The following SYNDIG1 variants were observed in gnomAD, a reference collection of about 807,000 sequenced individuals.
SYNDIG1 encodes the protein synapse differentiation-inducing gene protein 1.
A neutral mutation model predicts 19.4 loss-of-function variants in SYNDIG1; 9 were observed. That is an observed-to-expected ratio of 0.46 (90% CI 0.28 to 0.81). The LOEUF (loss-of-function observed/expected upper bound fraction) is 0.81. Ranked by LOEUF, SYNDIG1 falls within the 30% of genes least tolerant of loss-of-function variation. The pLI is 0.12. For synonymous variants in SYNDIG1, 141 were observed against 145.9 expected (o/e 0.97, Z 0.24); for missense variants, 311 against 343.3 (o/e 0.91, Z 0.74).
chr20:24,492,888 T>G (rs1568581514), intron 1 of SYNDIG1, among the ~76,000 whole-genome samples: 1 of 152,260 alleles, frequency 6.6e-6, no homozygotes, highest in African/African-American at 2.4e-5. Flanking sequence ...GTGGCAGGAA[T>G]TCAAGGTGCT....
chr20:24,548,869 G>T (rs1600590524), intron 2 of SYNDIG1, among the ~76,000 whole-genome samples: 3 of 152,100 alleles, frequency 2.0e-5, no homozygotes, highest in South Asian at 2.1e-4. Context: ...TCAGGTATAG[G>T]AAGTTCCCTT....
intron 1 of SYNDIG1, among the ~76,000 whole-genome samples, chr20:24,505,767 G>A (rs575000725): frequency 2.6e-5 from 4 of 152,296 alleles, no homozygotes; most frequent in South Asian, 2.1e-4. Flanking sequence ...TCAGAAATCC[G>A]AATATAGAAA....
intron 2 of SYNDIG1, among the ~76,000 whole-genome samples, chr20:24,569,026 AC>A (rs2058098244): frequency 6.6e-6 from 1 of 152,144 alleles, no homozygotes; most frequent in Admixed American, 6.5e-5. Context: ...AAATTGTCCC[AC>A]CCTCTGTGAG....
intron 1 of SYNDIG1, among the ~76,000 whole-genome samples, chr20:24,494,497 G>A (rs906386226): frequency 3.9e-5 from 6 of 152,210 alleles, no homozygotes; most frequent in Admixed American, 6.5e-5. Flanking sequence ...GCAGTGGTGG[G>A]TGAATGGACA....
At chr20:24,661,400 GGTAGGAAAGAAGGAGGAGTTAGGAA>G (rs2147402099) in intron 3 of SYNDIG1, among the ~76,000 whole-genome samples, 4 of 142,178 alleles carry the variant, frequency 2.8e-5, no homozygotes, top group South Asian at 2.4e-4. Context: ...AGAGGGAGGA[GGTAGGAAAGAAGGAGGAGTTAGGAA>G]GGAGGGAGGA....
intron 3 of SYNDIG1, among the ~76,000 whole-genome samples, chr20:24,630,155 A>G (rs2059218126): frequency 1.3e-5 from 2 of 152,232 alleles, no homozygotes; most frequent in African/African-American, 2.4e-5. Flanking sequence ...CAGATATGCA[A>G]AAATCAAGAA....
At chr20:24,498,737 AG>A (rs1027022105) in intron 1 of SYNDIG1, among the ~76,000 whole-genome samples, 4 of 152,200 alleles carry the variant, frequency 2.6e-5, no homozygotes, top group African/African-American at 9.7e-5. Flanking sequence ...CATGTCACAG[AG>A]GTCAGGATTT....
intron 3 of SYNDIG1, among the ~76,000 whole-genome samples, chr20:24,650,103 C>T (rs1022241715): frequency 6.6e-6 from 1 of 152,174 alleles, no homozygotes; most frequent in Non-Finnish European, 1.5e-5. Flanking sequence ...AGCATGCAGG[C>T]AGCAGGGCAC....
intron 3 of SYNDIG1, among the ~76,000 whole-genome samples, chr20:24,609,843 C>T (rs1359786588): frequency 6.6e-6 from 1 of 152,136 alleles, no homozygotes; most frequent in Non-Finnish European, 1.5e-5. Flanking sequence ...CAAGAGCCCA[C>T]TCCACCCAAC....
chr20:24,476,310 A>G lies in SYNDIG1; in HGVS notation c.-79+6557A>G, dbSNP rs148760969. On this transcript the variant is annotated intron_variant, in intron 1 of 3. Transcript: ENST00000376862. ...TGAAAGCTAACTTTGAGTCAAGGGG[A>G]ATAATCTGTTTTGTTATTTCTAAGT... 2.0e-5 allele frequency among the ~76,000 whole-genome samples: 3 copies of G among 152,256 alleles called. 1 individual carries two copies. The East Asian group carries it at 5.8e-4, about 30-fold the overall frequency.
chr20:24,599,501 G>A (rs1210861238), intron 3 of SYNDIG1, among the ~76,000 whole-genome samples: 1 of 151,924 alleles, frequency 6.6e-6, no homozygotes, highest in Non-Finnish European at 1.5e-5. Context: ...CAAAGAAAAA[G>A]GAATAATTAT....
chr20:24,639,635 G>T (rs1019055292), intron 3 of SYNDIG1, among the ~76,000 whole-genome samples: 7 of 152,286 alleles, frequency 4.6e-5, no homozygotes, highest in Non-Finnish European at 1.0e-4. Context: ...TATCAATGTG[G>T]TTTATTTGTT....
chr20:24,504,201 G>A (rs1404174286), intron 1 of SYNDIG1, among the ~76,000 whole-genome samples: 1 of 152,056 alleles, frequency 6.6e-6, no homozygotes, highest in Non-Finnish European at 1.5e-5. Flanking sequence ...CTCGTGATCC[G>A]CCCGCCTCGG....
chr20:24,656,444 C>T (rs2059526791), intron 3 of SYNDIG1, among the ~76,000 whole-genome samples: 1 of 152,206 alleles, frequency 6.6e-6, no homozygotes, highest in Admixed American at 6.5e-5. Context: ...CCCCGTGGTG[C>T]CCTGAGGAAA....
intron 1 of SYNDIG1, among the ~76,000 whole-genome samples, chr20:24,536,023 G>A (rs2057355044): frequency 6.6e-6 from 1 of 152,194 alleles, no homozygotes; most frequent in Admixed American, 6.5e-5. Flanking sequence ...ACATCACTCA[G>A]TTATTCATCA....
intron 3 of SYNDIG1, among the ~76,000 whole-genome samples, chr20:24,653,830 A>T (rs2059497398): frequency 6.6e-6 from 1 of 152,200 alleles, no homozygotes; most frequent in Non-Finnish European, 1.5e-5. Flanking sequence ...TCTTGCTGCG[A>T]CTTCACGGGG....
chr20:24,503,749 T>C (rs529803032), intron 1 of SYNDIG1, among the ~76,000 whole-genome samples: 2 of 152,278 alleles, frequency 1.3e-5, no homozygotes, highest in South Asian at 4.1e-4. Flanking sequence ...TCTGCAGAAC[T>C]CACTCATTGA....
intron 3 of SYNDIG1, among the ~76,000 whole-genome samples, chr20:24,610,460 G>A (rs912629304): frequency 5.9e-5 from 9 of 152,202 alleles, no homozygotes; most frequent in South Asian, 2.1e-4. Context: ...ACGGGGGGGC[G>A]AGTGCTAATC....
intron 3 of SYNDIG1, among the ~76,000 whole-genome samples, chr20:24,604,000 C>A (rs1363536524): frequency 1.3e-5 from 2 of 152,246 alleles, no homozygotes; most frequent in African/African-American, 2.4e-5. Flanking sequence ...CCCTGGGTTT[C>A]TCCGAAGCTG....
Sources: gnomAD v4.1 joint callset for allele counts (sites outside exome capture counted in the v4.1 genomes callset) on GRCh38, gnomAD v4.1.1 for gene constraint, MANE v1.5 for transcripts, NCBI Gene and HGNC (gene_info 2026-07-23, HGNC 2026-07-21) for gene names.